Variants in SCARA5 observed in about 807,000 individuals in gnomAD.
The protein encoded by SCARA5 is scavenger receptor class A, member 5 (putative).
A neutral mutation model predicts 46.3 loss-of-function variants in SCARA5; 45 were observed. The ratio of observed to expected loss-of-function variants is 0.97; its 90% CI spans 0.76 to 1.24. The LOEUF is 1.24. Among genes scored for constraint, SCARA5 ranks in the 50% most tolerant of loss-of-function variants. The probability of loss-of-function intolerance (pLI) is 0.00; values close to 1 mark genes in which losing one functional copy is unlikely to be tolerated. For synonymous variants in SCARA5, 333 were observed against 306.5 expected, an observed-to-expected ratio of 1.09 and a Z score of -0.90; for missense variants, 680 against 689.0, an observed-to-expected ratio of 0.99 and a Z score of 0.15.
At chr8:27,889,846 T>C (rs1455674489) in intron 7 of SCARA5, among the ~76,000 whole-genome samples, 1 of 152,208 alleles carries the variant, frequency 6.6e-6, no homozygotes, top group African/African-American at 2.4e-5. Flanking sequence ...AAACCAGCCT[T>C]GGCTTTTGAG....
At chr8:27,913,187 C>T (rs949270513) in intron 4 of SCARA5, among the ~76,000 whole-genome samples, 2 of 152,120 alleles carry the variant, frequency 1.3e-5, no homozygotes, top group Non-Finnish European at 1.5e-5. Flanking sequence ...TTAAACATAA[C>T]TATGTGGTTA....
chr8:27,956,182 C>G (rs1362096636), intron 3 of SCARA5, among the ~76,000 whole-genome samples: 1 of 152,156 alleles, frequency 6.6e-6, no homozygotes, highest in Non-Finnish European at 1.5e-5. Context: ...TGGAAAACTA[C>G]CTATGGGGTG....
intron 3 of SCARA5, among the ~76,000 whole-genome samples, chr8:27,946,108 T>C (rs1426472888): frequency 1.3e-5 from 2 of 152,240 alleles, no homozygotes; most frequent in Non-Finnish European, 2.9e-5. Flanking sequence ...TTTATCACTC[T>C]CTTATTTGTA....
chr8:27,923,013 T>A lies in SCARA5; in HGVS notation c.242-768A>T, dbSNP rs147296950. Among the ~76,000 whole-genome samples the A allele has an allele frequency of 5.0e-3, 769 of 152,336 alleles. 3 individuals carry two copies. The highest frequency in any genetic ancestry group is 7.5e-3 in the Non-Finnish European group (509 of 68,032). On this transcript the variant is annotated intron_variant, in intron 3 of 8. Coordinates refer to ENST00000354914, the MANE Select transcript of SCARA5 (RefSeq NM_173833.6). ...AACCATGAGCAATACATTTGTTGCTTATAAATTACCCAGTCTACAGTATTT... is the reference window on the plus strand; with the variant it reads ...AACCATGAGCAATACATTTGTTGCTAATAAATTACCCAGTCTACAGTATTT...
At chr8:27,901,691 T>C (rs1807156611) in intron 7 of SCARA5, among the ~76,000 whole-genome samples, 1 of 152,150 alleles carries the variant, frequency 6.6e-6, no homozygotes, top group Admixed American at 6.5e-5. Flanking sequence ...CACCCCGCAA[T>C]GGGACAGGCA....
At chr8:27,911,689 C>G (rs915354497) in intron 4 of SCARA5, among the ~76,000 whole-genome samples, 2 of 101,840 alleles carry the variant, frequency 2.0e-5, no homozygotes, top group Admixed American at 1.9e-4. Context: ...GGAACTCTGT[C>G]TCCAAAAAAA....
intron 2 of SCARA5, among the ~76,000 whole-genome samples, chr8:27,973,554 C>G (rs1455343000): frequency 2.0e-5 from 3 of 152,154 alleles, no homozygotes; most frequent in Non-Finnish European, 4.4e-5. Context: ...TCTTTGTGCC[C>G]ATGCAGGTAA....
chr8:27,990,356 C>A (rs1471294362), intron 1 of SCARA5, among the ~76,000 whole-genome samples: 2 of 152,070 alleles, frequency 1.3e-5, no homozygotes, highest in Non-Finnish European at 2.9e-5. Context: ...GTTTTTCTTT[C>A]TTGGGGGAGG....
At position 27,871,726 on chromosome 8, in the gene SCARA5, C is replaced by T; in HGVS notation, c.*208G>A. 5 of 1,409,102 alleles carry T rather than the reference C, an allele frequency of 3.5e-6. No individual in the cohort carries two copies. Among genetic ancestry groups the T allele is most frequent in the Non-Finnish European group, 4.6e-6 (5 of 1,084,022 alleles). 87.3% of individuals were successfully genotyped at this position (1,409,102 alleles called of 1,614,324 possible). On this transcript the variant is annotated 3_prime_UTR_variant, in exon 9 of 9. Coordinates refer to ENST00000354914, the MANE Select transcript of SCARA5 (RefSeq NM_173833.6). ...GAACCTGGTGGAAGAGAGAGACGGG[C>T]AGTAGGTCCCAGAGTTATACTTCGG...
chr8:27,878,232 A>T (rs1040252728), intron 8 of SCARA5, among the ~76,000 whole-genome samples: 1 of 152,100 alleles, frequency 6.6e-6, no homozygotes, highest in Non-Finnish European at 1.5e-5. Flanking sequence ...TGGCATCTTA[A>T]ATCCCAGGGG....
chr8:27,974,439 C>A (rs894770271), intron 2 of SCARA5, among the ~76,000 whole-genome samples: 2 of 151,952 alleles, frequency 1.3e-5, no homozygotes, highest in Non-Finnish European at 2.9e-5. Context: ...TCCAAAGAAA[C>A]TGGCTCTGAA....
intron 6 of SCARA5, among the ~76,000 whole-genome samples, chr8:27,905,444 A>G (rs1807237354): frequency 6.7e-6 from 1 of 149,584 alleles, no homozygotes; most frequent in Non-Finnish European, 1.5e-5. Context: ...CTGCCAATCA[A>G]AAGCCCATGG....
intron 1 of SCARA5, among the ~76,000 whole-genome samples, chr8:27,990,823 A>G (rs1808777142): frequency 6.6e-6 from 1 of 152,262 alleles, no homozygotes; most frequent in South Asian, 2.1e-4. Flanking sequence ...GATGAAGCCC[A>G]AGGAGACTGG....
intron 3 of SCARA5, among the ~76,000 whole-genome samples, chr8:27,941,969 G>A (rs1807953368): frequency 6.6e-6 from 1 of 151,804 alleles, no homozygotes; most frequent in East Asian, 1.9e-4. Context: ...TGGGATTACA[G>A]GCGTGCACCT....
At chr8:27,887,247 C>T (rs535561689) in intron 7 of SCARA5, among the ~76,000 whole-genome samples, 44 of 152,276 alleles carry the variant, frequency 2.9e-4, no homozygotes, top group Non-Finnish European at 4.7e-4. Flanking sequence ...CCTTCCTGAG[C>T]AAATGAGGAT....
Position 27,873,667 on chromosome 8 carries a change from C to T in SCARA5, c.1352-1597G>A, listed in dbSNP as rs1806678247. Among the ~76,000 whole-genome samples, 3 of 152,104 alleles carry T rather than the reference C, an allele frequency of 2.0e-5. No individual in the cohort carries two copies. The South Asian group carries it at 6.2e-4, about 32-fold the overall frequency. On this transcript the variant is annotated intron_variant, in intron 8 of 8. Coordinates refer to ENST00000354914, the MANE Select transcript of SCARA5 (RefSeq NM_173833.6). ...GACTCTCTTTTCTGACTCAACCCGCCTGCACCCAGGTGAAATAAATAGCCT... is the reference window on the plus strand; with the variant it reads ...GACTCTCTTTTCTGACTCAACCCGCTTGCACCCAGGTGAAATAAATAGCCT...
chr8:27,900,789 G>GT (rs1160056178), intron 7 of SCARA5, among the ~76,000 whole-genome samples: 29,198 of 127,130 alleles, frequency 0.23, 3,390 homozygotes, highest in Middle Eastern at 0.29. Context: ...TACGTAGCGG[G>GT]TTTTTTTTTT....
intron 7 of SCARA5, among the ~76,000 whole-genome samples, chr8:27,885,537 A>T (rs947584849): frequency 6.6e-6 from 1 of 152,144 alleles, no homozygotes; most frequent in African/African-American, 2.4e-5. Flanking sequence ...GCATGAATGG[A>T]GGGACTCATT....
chr8:27,903,352 T>C (rs991794072), intron 7 of SCARA5: 3 of 152,168 alleles, frequency 2.0e-5, no homozygotes, highest in African/African-American at 7.2e-5. Context: ...CCAAGAGTAA[T>C]CGTGTAATGA....
Sources: gnomAD v4.1 joint callset for allele counts (sites outside exome capture counted in the v4.1 genomes callset) on GRCh38, gnomAD v4.1.1 for gene constraint, MANE v1.5 for transcripts, NCBI Gene and HGNC (gene_info 2026-07-23, HGNC 2026-07-21) for gene names.